GPHN: variants seen among roughly 807,000 people sequenced by gnomAD.
GPHN encodes gephyrin.
Under a neutral mutation model 95.5 loss-of-function variants are expected in GPHN, and 17 were observed. The observed-to-expected ratio is 0.18, with a 90% confidence interval of 0.12 to 0.27. The LOEUF (loss-of-function observed/expected upper bound fraction) is 0.27, where lower values mean the gene tolerates loss of function less well. Ranked by LOEUF, GPHN falls within the 10% of genes least tolerant of loss-of-function variation. The pLI, the probability that GPHN is intolerant of heterozygous loss-of-function variation, is 1.00. For synonymous variants in GPHN, 320 were observed against 322.5 expected (o/e 0.99, Z 0.08); for missense variants, 660 against 978.1 (o/e 0.67, Z 4.34).
At chr14:66,841,004 GATATA>G (rs1466905558) in intron 4 of GPHN, among the ~76,000 whole-genome samples, 1 of 143,362 alleles carries the variant, frequency 7.0e-6, no homozygotes, top group Admixed American at 7.8e-5. Flanking sequence ...TATAGATATA[GATATA>G]GATATAGATA....
At chr14:66,770,624 T>TA (rs2059130836) in intron 2 of GPHN, among the ~76,000 whole-genome samples, 2 of 152,194 alleles carry the variant, frequency 1.3e-5, no homozygotes, top group Admixed American at 1.3e-4. Context: ...TGTGCATGTT[T>TA]ATTGATTCTG....
At chr14:66,982,364 A>T (rs2070734992) in intron 9 of GPHN, among the ~76,000 whole-genome samples, 1 of 152,136 alleles carries the variant, frequency 6.6e-6, no homozygotes, top group Non-Finnish European at 1.5e-5. Context: ...TTGGAAAAAA[A>T]AGTAAATAGA....
chr14:67,067,177 A>G (rs763635745), intron 11 of GPHN, among the ~76,000 whole-genome samples: 1 of 152,134 alleles, frequency 6.6e-6, no homozygotes, highest in Non-Finnish European at 1.5e-5. Flanking sequence ...TTTTCCTTCC[A>G]GGAGTCAGGT....
the GPHN span, among the ~76,000 whole-genome samples, chr14:67,220,665 C>T: frequency 6.6e-6 from 1 of 152,110 alleles, no homozygotes; most frequent in Non-Finnish European, 1.5e-5. Context: ...TACCATGGCT[C>T]TTTCCTTTGT....
the GPHN span, among the ~76,000 whole-genome samples, chr14:67,374,850 A>G: frequency 9.5e-4 from 145 of 152,106 alleles, 1 homozygote; most frequent in Non-Finnish European, 1.8e-3. Context: ...GTGATCCTTG[A>G]GCCTCAGCCC....
the GPHN span, among the ~76,000 whole-genome samples, chr14:67,458,442 T>C: frequency 3.9e-5 from 6 of 152,228 alleles, no homozygotes; most frequent in Non-Finnish European, 8.8e-5. Context: ...GTGAAGGAGA[T>C]GTGGTCCCCA....
chr14:66,582,123 G>A lies in GPHN; in HGVS notation c.64+73532G>A, dbSNP rs77002005. ...TTTGGAAACTTCCCCAGGATAGATC[G>A]TAAGTCAGACCAGAAAATAAATCTC... is the stretch of plus-strand genomic sequence containing the variant. On this transcript the variant is annotated intron_variant, in intron 1 of 22. Coordinates refer to ENST00000478722, the MANE Select transcript of GPHN (RefSeq NM_020806.5). 3.7e-3 allele frequency among the ~76,000 whole-genome samples: 568 copies of A among 152,092 alleles called. 12 individuals carry two copies. Among genetic ancestry groups the A allele is most frequent in the African/African-American group, 0.013 (527 of 41,514 alleles).
the GPHN span, among the ~76,000 whole-genome samples, chr14:67,357,567 A>G: frequency 4.6e-5 from 7 of 152,238 alleles, no homozygotes; most frequent in Non-Finnish European, 7.3e-5. Context: ...TCTCAAAGTA[A>G]AAGTTTCAAA....
chr14:67,246,650 T>TG, the GPHN span, among the ~76,000 whole-genome samples: 1 of 19,576 alleles, frequency 5.1e-5, no homozygotes, highest in Non-Finnish European at 1.4e-4. Context: ...CTACTATAGG[T>TG]TTTTTTTTTT....
At chr14:67,393,898 A>G in the GPHN span, among the ~76,000 whole-genome samples, 7 of 152,320 alleles carry the variant, frequency 4.6e-5, no homozygotes, top group South Asian at 2.1e-4. Context: ...TTCCCAAAAA[A>G]GCTTGCTATA....
At chr14:66,547,929 G>A (rs2059660520) in intron 1 of GPHN, among the ~76,000 whole-genome samples, 1 of 152,144 alleles carries the variant, frequency 6.6e-6, no homozygotes, top group Non-Finnish European at 1.5e-5. Flanking sequence ...TTCCATCATA[G>A]GATAGCAAGT....
chr14:67,607,101 C>G, the GPHN span, among the ~76,000 whole-genome samples: 1 of 152,156 alleles, frequency 6.6e-6, no homozygotes, highest in Non-Finnish European at 1.5e-5. Flanking sequence ...AGGTGATACT[C>G]TTAGACATTA....
At chr14:66,899,122 C>CTTTTTTTTTTT (rs149566081) in intron 5 of GPHN, among the ~76,000 whole-genome samples, 6 of 130,800 alleles carry the variant, frequency 4.6e-5, no homozygotes, top group East Asian at 2.1e-4. Flanking sequence ...AGGGCTTTTT[C>CTTTTTTTTTTT]TTTTTTTTTT....
At chr14:66,826,377 C>T (rs372319471) in intron 4 of GPHN, among the ~76,000 whole-genome samples, 1 of 152,088 alleles carries the variant, frequency 6.6e-6, no homozygotes, top group Admixed American at 6.6e-5. Context: ...TTCTTCAACT[C>T]TCCAGATATC....
At chr14:67,586,542 T>C in the GPHN span, 15 of 654,364 alleles carry the variant, frequency 2.3e-5, no homozygotes, top group African/African-American at 1.1e-4. Flanking sequence ...TTCCTTGTTG[T>C]GGGGAAGACC....
the GPHN span, among the ~76,000 whole-genome samples, chr14:67,342,099 GTTT>G: frequency 2.6e-5 from 4 of 151,788 alleles, no homozygotes; most frequent in Non-Finnish European, 5.9e-5. Flanking sequence ...TTGTTCACTT[GTTT>G]ATCTGCTGAC....
the GPHN span, chr14:67,312,441 T>C: frequency 1.0e-6 from 1 of 972,824 alleles, no homozygotes; most frequent in Non-Finnish European, 1.4e-6. Flanking sequence ...TAAAAAATAA[T>C]AAAAAATTTG....
At chr14:67,174,703 T>C (rs1430694764) in intron 21 of GPHN, among the ~76,000 whole-genome samples, 1 of 152,214 alleles carries the variant, frequency 6.6e-6, no homozygotes, top group East Asian at 1.9e-4. Context: ...ACCAACAGTG[T>C]AAAAGTGTTC....
chr14:66,796,372 G>A (rs981610272), intron 3 of GPHN, among the ~76,000 whole-genome samples: 4 of 151,530 alleles, frequency 2.6e-5, no homozygotes, highest in African/African-American at 9.7e-5. Flanking sequence ...AACTAATGCT[G>A]CAGTAGGATT....
Sources: allele counts gnomAD v4.1 joint callset (sites outside exome capture counted in the v4.1 genomes callset), GRCh38; gene constraint gnomAD v4.1.1; transcripts MANE v1.5; gene names NCBI Gene and HGNC (gene_info 2026-07-23, HGNC 2026-07-21).